Variants in ZNF385D observed in about 807,000 individuals in gnomAD.
The protein encoded by ZNF385D is zinc finger protein 385D, also known as zinc finger protein 659.
Under a neutral mutation model 35.8 loss-of-function variants are expected in ZNF385D, and 15 were observed. That is an observed-to-expected ratio of 0.42 (90% CI 0.28 to 0.64). The LOEUF (loss-of-function observed/expected upper bound fraction) is 0.64, where lower values mean the gene tolerates loss of function less well. Ranked by LOEUF, ZNF385D falls within the 30% of genes least tolerant of loss-of-function variation. The pLI, the probability that ZNF385D is intolerant of heterozygous loss-of-function variation, is 0.23. For missense variants in ZNF385D, 474 were observed against 494.6 expected, an observed-to-expected ratio of 0.96 and a Z score of 0.39; for synonymous variants, 212 against 186.8, an observed-to-expected ratio of 1.13 and a Z score of -1.10.
At chr3:21,963,761 C>T (rs986294000) in intron 3 of ZNF385D, among the ~76,000 whole-genome samples, 3 of 152,014 alleles carry the variant, frequency 2.0e-5, no homozygotes, top group Non-Finnish European at 4.4e-5. Context: ...TTCTTCTCCT[C>T]AGTGATTAAA....
chr3:21,784,843 A>T (rs2071623514), intron 3 of ZNF385D, among the ~76,000 whole-genome samples: 2 of 152,166 alleles, frequency 1.3e-5, no homozygotes, highest in Non-Finnish European at 2.9e-5. Context: ...ATGGCTCCAC[A>T]TGGCACTGTT....
chr3:22,184,558 G>A (rs939642963), intron 2 of ZNF385D, among the ~76,000 whole-genome samples: 2 of 152,088 alleles, frequency 1.3e-5, no homozygotes, highest in African/African-American at 4.8e-5. Context: ...AGGTACAGTG[G>A]CTCATGCCTG....
intron 3 of ZNF385D, among the ~76,000 whole-genome samples, chr3:21,865,313 G>T (rs1373995873): frequency 6.6e-6 from 1 of 151,802 alleles, no homozygotes; most frequent in South Asian, 2.1e-4. Context: ...TGCTAGTTTT[G>T]TTTAGAATTT....
At chr3:21,935,548 G>A (rs893200082) in intron 3 of ZNF385D, among the ~76,000 whole-genome samples, 5 of 152,154 alleles carry the variant, frequency 3.3e-5, no homozygotes, top group Non-Finnish European at 7.4e-5. Context: ...CCTTCCTAGA[G>A]TTCCTTTCAG....
chr3:21,806,238 A>C (rs925643886), intron 3 of ZNF385D, among the ~76,000 whole-genome samples: 2 of 126,014 alleles, frequency 1.6e-5, no homozygotes, highest in Non-Finnish European at 3.3e-5. Flanking sequence ...GGGCAGGGGG[A>C]GGTTATACCA....
intron 3 of ZNF385D, among the ~76,000 whole-genome samples, chr3:22,085,426 C>T (rs1700978609): frequency 6.6e-6 from 1 of 152,148 alleles, no homozygotes; most frequent in African/African-American, 2.4e-5. Flanking sequence ...TACAAACTAT[C>T]ATCAGAGAAT....
chr3:21,659,318 G>T (rs1332935499), intron 2 of ZNF385D, among the ~76,000 whole-genome samples: 1 of 152,062 alleles, frequency 6.6e-6, no homozygotes, highest in East Asian at 1.9e-4. Flanking sequence ...TATTGAGTAG[G>T]ACTCAAAAGT....
In ZNF385D at chr3:21,960,411, G is replaced by T. The variant is rs532071103; in HGVS notation, c.325+208406C>A. Among the ~76,000 whole-genome samples, 183 of 151,996 alleles carry T rather than the reference G, an allele frequency of 1.2e-3. 3 individuals are homozygous for T. The highest frequency in any genetic ancestry group is 1.9e-4 in the East Asian group (1 of 5,152). On this transcript the variant is annotated intron_variant, in intron 3 of 5. Transcript: ENST00000494108. Reference sequence around the variant, plus strand: ...ATATCACCTCACCCCAGTTAGAATGGCTATTACCAAAAAGACAAAAATAGC... The same window carrying T: ...ATATCACCTCACCCCAGTTAGAATGTCTATTACCAAAAAGACAAAAATAGC...
chr3:21,891,420 C>T (rs143610161), intron 3 of ZNF385D, among the ~76,000 whole-genome samples: 69 of 152,230 alleles, frequency 4.5e-4, no homozygotes, highest in African/African-American at 1.6e-3. Context: ...CTGACCACAC[C>T]ATTCATTTTT....
At chr3:22,270,482 C>T (rs1212850092) in intron 2 of ZNF385D, among the ~76,000 whole-genome samples, 1 of 151,982 alleles carries the variant, frequency 6.6e-6, no homozygotes, top group Admixed American at 6.6e-5. Context: ...TCCATGTGAG[C>T]TTACTCCCTG....
intron 3 of ZNF385D, among the ~76,000 whole-genome samples, chr3:21,934,420 G>T (rs1575952165): frequency 6.6e-6 from 1 of 152,198 alleles, no homozygotes; most frequent in Non-Finnish European, 1.5e-5. Flanking sequence ...AAGCTATTTT[G>T]CTGCTTTTAT....
At position 21,432,591 on chromosome 3, in the gene ZNF385D, A is replaced by AT. The variant is rs1050369421; in HGVS notation, c.673+4378dup. ...ACTACCTACTAGGATATTTGGGGGA[A>AT]TTTTTTTTTGTGGGGGGAAATTTTT... On this transcript the variant is annotated intron_variant, in intron 5 of 7. Coordinates refer to ENST00000281523, the MANE Select transcript of ZNF385D (RefSeq NM_024697.3). 1.3e-4 allele frequency among the ~76,000 whole-genome samples: 20 copies of AT among 151,260 alleles called. No homozygotes were observed. In the South Asian group the frequency reaches 2.1e-3, roughly 16 times the overall value.
At chr3:21,636,707 A>T (rs976131115) in intron 2 of ZNF385D, among the ~76,000 whole-genome samples, 1 of 151,652 alleles carries the variant, frequency 6.6e-6, no homozygotes, top group African/African-American at 2.4e-5. Context: ...ACTGACTCAA[A>T]TGTTAATCTC....
chr3:22,372,410 G>A (rs1194302879), intron 2 of ZNF385D: 18 of 974,552 alleles, frequency 1.8e-5, no homozygotes, highest in Admixed American at 6.2e-5. Context: ...AACGAACTCC[G>A]CCACCTGAAC....
chr3:22,329,250 T>C (rs1694823848), intron 2 of ZNF385D, among the ~76,000 whole-genome samples: 1 of 147,222 alleles, frequency 6.8e-6, no homozygotes, highest in Non-Finnish European at 1.5e-5. Flanking sequence ...TTATTTGAAA[T>C]ATCTTTTTTC....
chr3:21,676,729 T>G (rs2066741099), intron 1 of ZNF385D, among the ~76,000 whole-genome samples: 1 of 152,026 alleles, frequency 6.6e-6, no homozygotes, highest in East Asian at 1.9e-4. Context: ...GATAAACCAC[T>G]CGCTAAATGG....
At chr3:21,718,150 A>G (rs1325965221) in intron 1 of ZNF385D, among the ~76,000 whole-genome samples, 1 of 152,224 alleles carries the variant, frequency 6.6e-6, no homozygotes. Context: ...TGTCTCCCAC[A>G]AATGAATCTA....
intron 3 of ZNF385D, among the ~76,000 whole-genome samples, chr3:21,806,807 T>C (rs1464029295): frequency 2.6e-5 from 4 of 152,222 alleles, no homozygotes; most frequent in African/African-American, 9.6e-5. Context: ...CTGAACCTTC[T>C]TGACCTGGGA....
At chr3:21,873,766 G>A (rs1364833249) in intron 3 of ZNF385D, among the ~76,000 whole-genome samples, 2 of 152,018 alleles carry the variant, frequency 1.3e-5, no homozygotes, top group South Asian at 4.1e-4. Flanking sequence ...ATTTCACTTA[G>A]CATAACGTTT....
Sources: allele counts gnomAD v4.1 joint callset (sites outside exome capture counted in the v4.1 genomes callset), GRCh38; gene constraint gnomAD v4.1.1; transcripts MANE v1.5; gene names NCBI Gene and HGNC (gene_info 2026-07-23, HGNC 2026-07-21).